SCAF8: variants seen among roughly 807,000 people sequenced by gnomAD.
SCAF8 encodes the protein SR-related and CTD-associated factor 8.
In SCAF8, 23 loss-of-function variants were observed where a neutral mutation model predicts 140.5. The ratio of observed to expected loss-of-function variants is 0.16; its 90% CI spans 0.12 to 0.23. The LOEUF (loss-of-function observed/expected upper bound fraction) is 0.23, where lower values mean the gene tolerates loss of function less well. Among genes scored for constraint, SCAF8 ranks in the 10% least tolerant of loss-of-function variants. The pLI is 1.00. For missense variants in SCAF8, 1,397 were observed against 1,555.7 expected, an observed-to-expected ratio of 0.90 and a Z score of 1.72; for synonymous variants, 575 against 528.9, an observed-to-expected ratio of 1.09 and a Z score of -1.20.
At position 154,808,729 on chromosome 6, in the gene SCAF8, T is replaced by G. The variant is rs1778000036; in HGVS notation, c.1157T>G (p.Val386Gly). 1.9e-6 allele frequency: 3 copies of G among 1,613,778 alleles called. No individual in the cohort carries two copies. The South Asian group carries it at 3.3e-5, about 18-fold the overall frequency. The change falls in exon 11 of 20, where the codon GTC (valine) becomes GGC (glycine). Residue 386 changes from valine (V) to glycine (G), a missense_variant. Transcript: ENST00000367178. The stretch of plus-strand genomic sequence containing the variant: ...GGGCAAGATGGAGTGGAAGAGGAGG[T>G]CTTTGAACAAGAAGCTAAGAAAGTG... ...DEGQDGVEEE[V>G]FEQEAKKVAV...
chr6:154,742,901 ATTTGT>A (rs1439509519), intron 1 of SCAF8, among the ~76,000 whole-genome samples: 2 of 152,192 alleles, frequency 1.3e-5, no homozygotes, highest in Admixed American at 6.5e-5. Context: ...TCTTTCATTA[ATTTGT>A]TCATGCACGT....
chr6:154,780,537 G>A (rs1459877644), intron 3 of SCAF8, among the ~76,000 whole-genome samples: 2 of 135,844 alleles, frequency 1.5e-5, no homozygotes, highest in African/African-American at 5.5e-5. Flanking sequence ...CCCCACCCCC[G>A]ACTGGCCCTG....
intron 4 of SCAF8, among the ~76,000 whole-genome samples, chr6:154,791,789 A>C (rs144315082): frequency 1.9e-3 from 294 of 152,290 alleles, no homozygotes; most frequent in African/African-American, 6.6e-3. Context: ...TGACTATTTG[A>C]GTAATCCAGA....
At chr6:154,761,972 A>G (rs1379527276) in intron 1 of SCAF8, among the ~76,000 whole-genome samples, 1 of 152,202 alleles carries the variant, frequency 6.6e-6, no homozygotes, top group Non-Finnish European at 1.5e-5. Flanking sequence ...AAAATACTGA[A>G]TTTTTATTTT....
At chr6:154,817,050 C>G (rs982545669) in intron 13 of SCAF8, among the ~76,000 whole-genome samples, 1 of 152,112 alleles carries the variant, frequency 6.6e-6, no homozygotes, top group African/African-American at 2.4e-5. Flanking sequence ...TTTTACCTGT[C>G]AAAACATCAC....
intron 1 of SCAF8, among the ~76,000 whole-genome samples, chr6:154,757,538 T>C (rs1778997320): frequency 1.3e-5 from 2 of 152,152 alleles, no homozygotes; most frequent in Admixed American, 1.3e-4. Context: ...TTTGAAACCT[T>C]ATACTAAACT....
At chr6:154,733,966 G>A in intron 1 of SCAF8, 36 bp downstream of exon 1, 3 of 1,509,182 alleles carry the variant, frequency 2.0e-6, no homozygotes, top group Admixed American at 2.6e-5. Flanking sequence ...GCTCCTGCCC[G>A]CACCGCCCCC....
At chr6:154,822,215 A>G in intron 15 of SCAF8, 61 bp from the exon 16 acceptor site, 1 of 1,531,566 alleles carries the variant, frequency 6.5e-7, no homozygotes, top group Admixed American at 2.0e-5. Flanking sequence ...AAATGAATAC[A>G]AAGAAGAAAA....
chr6:154,781,711 G>A (rs1583029312), intron 3 of SCAF8, among the ~76,000 whole-genome samples: 1 of 152,302 alleles, frequency 6.6e-6, no homozygotes, highest in South Asian at 2.1e-4. Context: ...CATCTGGGTT[G>A]TTTGTAGTTT....
chr6:154,794,057 G>C (rs1015439249), intron 5 of SCAF8, among the ~76,000 whole-genome samples: 2 of 151,904 alleles, frequency 1.3e-5, no homozygotes, highest in Non-Finnish European at 2.9e-5. Context: ...AAGTAGGTGG[G>C]ACTACAGGCA....
chr6:154,818,339 G>A, intron 13 of SCAF8, 140 bp from the exon 14 acceptor site: 2 of 404,626 alleles, frequency 4.9e-6, no homozygotes, highest in South Asian at 6.2e-5. Flanking sequence ...ACAGCTGGAG[G>A]AAGAAAGGGG....
In SCAF8 at chr6:154,832,520, A is replaced by C; in HGVS notation, c.2941A>C (p.Arg981=). The change falls in exon 20 of 20, where the codon AGA becomes CGA. Residue 981 remains arginine (R), a synonymous_variant. Transcript: ENST00000367178. ...AGGAGATATTTTTAGTCAACCAGAA[A>C]GACCTTTTTTAGCTCCTGGAAGACA... The part of the protein sequence containing the change: ...PPGDIFSQPE[R]PFLAPGRQSV... The C allele has an allele frequency of 6.2e-7, 1 of 1,613,870 alleles. No individual in the cohort carries two copies. The highest frequency in any genetic ancestry group is 8.5e-7 in the Non-Finnish European group (1 of 1,179,940).
intron 1 of SCAF8, among the ~76,000 whole-genome samples, chr6:154,760,368 C>T (rs999407319): frequency 6.6e-6 from 1 of 151,960 alleles, no homozygotes. Flanking sequence ...TTTCTTTTTT[C>T]TCCTTTACAA....
At chr6:154,831,448 A>G (rs1019333733) in intron 19 of SCAF8, among the ~76,000 whole-genome samples, 3 of 152,126 alleles carry the variant, frequency 2.0e-5, no homozygotes, top group Admixed American at 2.0e-4. Context: ...TTATAGGAAG[A>G]TAAAAATGAA....
At chr6:154,736,302 C>T (rs865904927) in intron 1 of SCAF8, among the ~76,000 whole-genome samples, 1 of 105,392 alleles carries the variant, frequency 9.5e-6, no homozygotes, top group South Asian at 3.2e-4. Flanking sequence ...CGGAGTTTTG[C>T]TCTTGTTGCC....
In SCAF8 at chr6:154,772,253, A is replaced by G. The variant is rs964708935; in HGVS notation, c.31-1736A>G. Reference sequence around the variant, plus strand: ...TGGCCAAAGTTTAGTTTCGACTTCTAATTAATATCTTACAGTGTTATACTT... The same window carrying G: ...TGGCCAAAGTTTAGTTTCGACTTCTGATTAATATCTTACAGTGTTATACTT... On this transcript the variant is annotated intron_variant, in intron 1 of 19. Coordinates refer to ENST00000367178, the MANE Select transcript of SCAF8 (RefSeq NM_014892.5). Among the ~76,000 whole-genome samples the G allele has an allele frequency of 5.3e-5, 8 of 152,228 alleles. No homozygotes were observed. In the East Asian group the frequency reaches 1.5e-3, roughly 29 times the overall value.
In SCAF8 at chr6:154,733,496, G is replaced by A; in HGVS notation, c.-405G>A. 2 of 1,322,210 alleles carry A rather than the reference G, an allele frequency of 1.5e-6. No homozygotes were observed. Among genetic ancestry groups the A allele is most frequent in the South Asian group, 4.0e-5 (2 of 49,782 alleles). 81.9% of individuals were successfully genotyped at this position (1,322,210 alleles called of 1,614,324 possible). On this transcript the variant is annotated 5_prime_UTR_variant, in exon 1 of 20. Transcript: ENST00000367178. ...GGGGCTGGTTCCTGCGGCCCGAGCG[G>A]CGGGGAGGTGAAACAGGAGCCCGTC...
chr6:154,805,483 A>G lies in SCAF8; in HGVS notation c.978A>G (p.Gln326=). The G allele has an allele frequency of 1.3e-6, 2 of 1,573,250 alleles. No individual in the cohort carries two copies. Among genetic ancestry groups the G allele is most frequent in the South Asian group, 1.1e-5 (1 of 89,150 alleles). ...AGCTCTTGGAGCAGCAACAGCCTCA[A>G]AAGGTTTATAACCCCATCTTGTGGT... The part of the protein sequence containing the change: ...RQQLLEQQQP[Q]KATPQDSQEG... The change falls in exon 9 of 20, where the codon CAA becomes CAG. Residue 326 remains glutamine, a synonymous_variant. Transcript: ENST00000367178.
At chr6:154,815,094 G>A (rs1778207789) in intron 12 of SCAF8, among the ~76,000 whole-genome samples, 1 of 152,070 alleles carries the variant, frequency 6.6e-6, no homozygotes, top group Admixed American at 6.5e-5. Flanking sequence ...TCAGGAGATC[G>A]AGACCATCCT....
Sources: allele counts gnomAD v4.1 joint callset (sites outside exome capture counted in the v4.1 genomes callset), GRCh38; gene constraint gnomAD v4.1.1; transcripts MANE v1.5; gene names NCBI Gene and HGNC (gene_info 2026-07-23, HGNC 2026-07-21).